Variants in ZNF600 observed in about 807,000 individuals in gnomAD.
ZNF600 encodes the protein zinc finger protein KR-ZNF1.
Under a neutral mutation model 7.3 loss-of-function variants are expected in ZNF600, and 4 were observed. The ratio of observed to expected loss-of-function variants is 0.55; its 90% CI spans 0.27 to 1.25. ZNF600 has a LOEUF of 1.25. Ranked by LOEUF, ZNF600 falls within the 50% of genes most tolerant of loss-of-function variation. The pLI is 0.12. For synonymous variants in ZNF600, 290 were observed against 308.9 expected, an observed-to-expected ratio of 0.94 and a Z score of 0.64; for missense variants, 911 against 922.1, an observed-to-expected ratio of 0.99 and a Z score of 0.16.
At chr19:52,795,312 T>C in the ZNF600 span, among the ~76,000 whole-genome samples, 1 of 152,160 alleles carries the variant, frequency 6.6e-6, no homozygotes, top group Admixed American at 6.5e-5. Context: ...CAAGTACACA[T>C]TGAAACAAGC....
the ZNF600 span, among the ~76,000 whole-genome samples, chr19:52,822,331 C>G: frequency 6.6e-6 from 1 of 152,164 alleles, no homozygotes; most frequent in Non-Finnish European, 1.5e-5. Flanking sequence ...CTTGGCCTCC[C>G]CAAGTGCTGG....
At chr19:52,820,525 C>T in the ZNF600 span, among the ~76,000 whole-genome samples, 1 of 152,082 alleles carries the variant, frequency 6.6e-6, no homozygotes, top group South Asian at 2.1e-4. Context: ...ATTCTCTCTT[C>T]TCTGTTATAA....
the ZNF600 span, among the ~76,000 whole-genome samples, chr19:52,794,683 G>A: frequency 6.6e-6 from 1 of 152,076 alleles, no homozygotes; most frequent in Non-Finnish European, 1.5e-5. Flanking sequence ...GTGAAACCGC[G>A]TCTCTACCAA....
At chr19:52,832,690 A>C in the ZNF600 span, among the ~76,000 whole-genome samples, 10 of 152,158 alleles carry the variant, frequency 6.6e-5, no homozygotes, top group South Asian at 4.1e-4. Flanking sequence ...TACTTGAGCC[A>C]AGGAGTTTCA....
the ZNF600 span, among the ~76,000 whole-genome samples, chr19:52,824,389 C>G: frequency 2.0e-5 from 3 of 152,096 alleles, no homozygotes; most frequent in African/African-American, 7.2e-5. Flanking sequence ...AATCCCGGCA[C>G]TTTGGGTGGC....
the ZNF600 span, chr19:52,810,046 G>A: frequency 9.5e-6 from 7 of 737,520 alleles, no homozygotes; most frequent in Admixed American, 6.0e-5. Flanking sequence ...CTCCAGCCCC[G>A]CGCCCCATGC....
intron 3 of ZNF600, among the ~76,000 whole-genome samples, chr19:52,773,256 G>A (rs911124912): frequency 1.3e-5 from 2 of 152,184 alleles, no homozygotes; most frequent in African/African-American, 4.8e-5. Context: ...TTGGAAGAAA[G>A]TGGAACTAAT....
chr19:52,820,542 G>A, the ZNF600 span, among the ~76,000 whole-genome samples: 1 of 151,806 alleles, frequency 6.6e-6, no homozygotes, highest in African/African-American at 2.4e-5. Flanking sequence ...ATAACCCCCT[G>A]GACCCAGTCT....
the ZNF600 span, chr19:52,801,511 G>A: frequency 6.2e-7 from 1 of 1,614,102 alleles, no homozygotes; most frequent in Non-Finnish European, 8.5e-7. Context: ...TCTGTCATGG[G>A]TGCTGCATGG....
Position 52,766,746 on chromosome 19 carries a change from G to A in ZNF600, c.1217C>T (p.Thr406Ile), listed in dbSNP as rs752841468. 13 of 1,612,108 alleles carry A rather than the reference G, an allele frequency of 8.1e-6. No individual in the cohort carries two copies. In the South Asian group the frequency reaches 1.4e-4, roughly 18 times the overall value. Reference sequence around the variant, plus strand: ...CAGCTGAGAATTCCATGTGAAAGCTGTGTCACAAACCTTACATTTGTATGG... The same window carrying A: ...CAGCTGAGAATTCCATGTGAAAGCTATGTCACAAACCTTACATTTGTATGG... Residue 406 changes from threonine (T) to isoleucine (I), a missense_variant, in exon 4 of 4, where the codon ACA (threonine) becomes ATA (isoleucine). Transcript: ENST00000648973.
the ZNF600 span, chr19:52,800,699 A>G: frequency 1.3e-5 from 21 of 1,603,702 alleles, no homozygotes; most frequent in African/African-American, 2.8e-4. Flanking sequence ...CACATTCATA[A>G]GGTTTCTCTC....
the ZNF600 span, among the ~76,000 whole-genome samples, chr19:52,820,493 C>G: frequency 1.3e-5 from 2 of 152,032 alleles, no homozygotes; most frequent in Non-Finnish European, 2.9e-5. Flanking sequence ...ACCTCTTCTC[C>G]CCTCTCTGCT....
the ZNF600 span, among the ~76,000 whole-genome samples, chr19:52,825,269 C>T: frequency 3.3e-5 from 5 of 152,092 alleles, no homozygotes; most frequent in African/African-American, 7.2e-5. Flanking sequence ...GAAGGACTCA[C>T]GTGTCTTCAT....
upstream of ZNF600, among the ~76,000 whole-genome samples, chr19:52,789,763 C>T (rs1014782583): frequency 3.3e-5 from 5 of 152,060 alleles, no homozygotes; most frequent in South Asian, 6.2e-4. Flanking sequence ...AAAATACGGC[C>T]GTACACTTTA....
At chr19:52,798,176 C>T in the ZNF600 span, 3 of 156,930 alleles carry the variant, frequency 1.9e-5, no homozygotes, top group Non-Finnish European at 4.2e-5. Flanking sequence ...AATGAAAACA[C>T]AGGCTGGGAA....
chr19:52,804,402 ACT>A, the ZNF600 span, among the ~76,000 whole-genome samples: 9 of 152,118 alleles, frequency 5.9e-5, no homozygotes, highest in African/African-American at 1.9e-4. Context: ...GCCCAGTCTT[ACT>A]CTGTCTCCCG....
At chr19:52,795,462 A>G in the ZNF600 span, among the ~76,000 whole-genome samples, 1 of 151,944 alleles carries the variant, frequency 6.6e-6, no homozygotes, top group African/African-American at 2.4e-5. Context: ...ATATATATAT[A>G]ATAAAATGTG....
At chr19:52,768,592 T>C (rs2062607772) in intron 3 of ZNF600, among the ~76,000 whole-genome samples, 1 of 152,076 alleles carries the variant, frequency 6.6e-6, no homozygotes, top group African/African-American at 2.4e-5. Flanking sequence ...GCACTCCAGC[T>C]TGGAGTGCCA....
At chr19:52,829,183 TTTTTATTTTATTTTA>T in the ZNF600 span, among the ~76,000 whole-genome samples, 303 of 91,766 alleles carry the variant, frequency 3.3e-3, 3 homozygotes, top group South Asian at 0.015. Flanking sequence ...TTTTTTTCTT[TTTTTATTTTATTTTA>T]TTTTATTTTA....
Sources: gnomAD v4.1 joint callset for allele counts (sites outside exome capture counted in the v4.1 genomes callset) on GRCh38, gnomAD v4.1.1 for gene constraint, MANE v1.5 for transcripts, NCBI Gene and HGNC (gene_info 2026-07-23, HGNC 2026-07-21) for gene names.